Variants in DOCK2 observed in about 807,000 individuals in gnomAD.
DOCK2 encodes dedicator of cytokinesis 2.
In DOCK2, 87 loss-of-function variants were observed where a neutral mutation model predicts 248.9. The ratio of observed to expected loss-of-function variants is 0.35; its 90% CI spans 0.29 to 0.42. The LOEUF is 0.42. Ranked by LOEUF, DOCK2 falls within the 10% of genes least tolerant of loss-of-function variation. DOCK2 has a pLI of 1.00. For synonymous variants in DOCK2, 805 were observed against 821.6 expected (o/e 0.98, Z 0.35); for missense variants, 1,747 against 2,300.2 (o/e 0.76, Z 4.92).
At chr5:169,890,800 C>T (rs1179477601) in intron 27 of DOCK2, among the ~76,000 whole-genome samples, 1 of 152,056 alleles carries the variant, frequency 6.6e-6, no homozygotes, top group African/African-American at 2.4e-5. Flanking sequence ...GACTTTTTTG[C>T]ACAAATTCTG....
intron 38 of DOCK2, among the ~76,000 whole-genome samples, chr5:170,045,099 A>AT (rs929528619): frequency 1.3e-4 from 20 of 151,652 alleles, no homozygotes; most frequent in African/African-American, 4.1e-4. Flanking sequence ...AAAAGTCTTA[A>AT]TTTTTTTTTA....
chr5:169,665,435 C>T (rs1758666021), intron 2 of DOCK2, among the ~76,000 whole-genome samples: 1 of 67,860 alleles, frequency 1.5e-5, no homozygotes, highest in South Asian at 5.8e-4. Flanking sequence ...TATGTATATA[C>T]ACATGTTTAT....
rs141748778 is a variant in DOCK2, at chr5:169,919,352, C to T, written c.2800-63716C>T. ...CTTGAAGGTTTATGAAGATTTACTG[C>T]GTTGCCTTCCCTCCATAGATGGAAA... On this transcript the variant is annotated intron_variant, in intron 27 of 51. Transcript: ENST00000520908. Among the ~76,000 whole-genome samples, 1,306 of 152,236 alleles carry T rather than the reference C, an allele frequency of 8.6e-3. 7 individuals carry two copies. Among genetic ancestry groups the T allele is most frequent in the Middle Eastern group, 0.031 (9 of 292 alleles).
At chr5:169,749,659 C>A (rs908453321) in intron 23 of DOCK2, among the ~76,000 whole-genome samples, 2 of 152,198 alleles carry the variant, frequency 1.3e-5, no homozygotes, top group African/African-American at 4.8e-5. Context: ...TCTGTTCCTG[C>A]CTGGCTCTAA....
intron 27 of DOCK2, among the ~76,000 whole-genome samples, chr5:169,966,565 A>C (rs548331021): frequency 6.6e-6 from 1 of 152,266 alleles, no homozygotes; most frequent in South Asian, 2.1e-4. Context: ...CTGGGATGCA[A>C]ATTCACCTGT....
intron 22 of DOCK2, among the ~76,000 whole-genome samples, chr5:169,729,468 T>C (rs1487532004): frequency 6.6e-6 from 1 of 152,108 alleles, no homozygotes. Flanking sequence ...AACTGGCCCC[T>C]CTACCTGGCA....
At chr5:169,660,167 A>T (rs1758360618) in intron 2 of DOCK2, among the ~76,000 whole-genome samples, 1 of 152,096 alleles carries the variant, frequency 6.6e-6, no homozygotes, top group Admixed American at 6.5e-5. Flanking sequence ...CTGTGTTTGG[A>T]TGTAGTTTTG....
At chr5:169,786,040 A>T (rs542737487) in intron 25 of DOCK2, among the ~76,000 whole-genome samples, 7 of 152,204 alleles carry the variant, frequency 4.6e-5, no homozygotes, top group African/African-American at 1.4e-4. Flanking sequence ...TGCTACTTCT[A>T]TTACCACTAA....
At chr5:169,640,462 T>C (rs1757089042) in intron 1 of DOCK2, among the ~76,000 whole-genome samples, 1 of 152,222 alleles carries the variant, frequency 6.6e-6, no homozygotes, top group Non-Finnish European at 1.5e-5. Flanking sequence ...AAAAGACTGA[T>C]GAACAAGAGA....
chr5:169,884,447 A>C (rs1350347751), intron 27 of DOCK2: 1 of 152,322 alleles, frequency 6.6e-6, no homozygotes, highest in East Asian at 1.9e-4. Context: ...AGGTGGAGAA[A>C]TAAATGACCT....
intron 30 of DOCK2, among the ~76,000 whole-genome samples, chr5:169,998,291 G>A (rs1339097362): frequency 1.3e-5 from 2 of 152,218 alleles, no homozygotes; most frequent in Admixed American, 6.5e-5. Context: ...CTGGCACATA[G>A]TAGGTCTCCT....
At chr5:169,976,213 C>A (rs977434700) in intron 27 of DOCK2, among the ~76,000 whole-genome samples, 12 of 152,220 alleles carry the variant, frequency 7.9e-5, no homozygotes, top group African/African-American at 2.9e-4. Context: ...GGACACAAAT[C>A]TCTGCCCATG....
chr5:169,716,404 T>A (rs541784461), intron 20 of DOCK2, 102 bp downstream of exon 20: 4 of 1,149,116 alleles, frequency 3.5e-6, no homozygotes, highest in Non-Finnish European at 5.1e-6. Flanking sequence ...CATGGCCTTT[T>A]TCATGAATTC....
intron 27 of DOCK2, among the ~76,000 whole-genome samples, chr5:169,966,847 A>G (rs552614465): frequency 5.3e-5 from 8 of 152,206 alleles, no homozygotes; most frequent in Non-Finnish European, 1.2e-4. Context: ...CTTTCCACAC[A>G]GATCAGACTT....
At chr5:169,807,833 C>CCAAAAAAAAAAAAAAAAAAAAA (rs1767483380) in intron 26 of DOCK2, among the ~76,000 whole-genome samples, 1 of 24,218 alleles carries the variant, frequency 4.1e-5, no homozygotes, top group African/African-American at 9.0e-5. Flanking sequence ...GACTCTGTCT[C>CCAAAAAAAAAAAAAAAAAAAAA]AAAAAAAAAA....
At position 169,714,089 on chromosome 5, in the gene DOCK2, A is replaced by T. The variant is rs776981079; in HGVS notation, c.1721A>T (p.His574Leu). 1 of 1,613,708 alleles carries T rather than the reference A, an allele frequency of 6.2e-7. No individual in the cohort carries two copies. ...CTGACCCTTCCTTCTTATCGACACC[A>T]TGTGGAAAACAAGGGGGCCACGCTG... ...AYLTLPSYRHHVENKGATLSR... is the reference protein window; with the variant it reads ...AYLTLPSYRHLVENKGATLSR... Residue 574 changes from histidine (H) to leucine (L), a missense_variant, in exon 18 of 52, where the codon CAT becomes CTT. Transcript: ENST00000520908.
Position 169,751,039 on chromosome 5 carries a change from G to T in DOCK2, c.2376+3535G>T, listed in dbSNP as rs184093403. The stretch of plus-strand genomic sequence containing the variant: ...TCAGTTTATCCTCTGTAACATGGAA[G>T]GCCAAATGTGTAATTTAGGGGATTA... On this transcript the variant is annotated intron_variant, in intron 23 of 51. Transcript: ENST00000520908. Among the ~76,000 whole-genome samples the T allele has an allele frequency of 1.8e-4, 27 of 152,280 alleles. No individual in the cohort carries two copies. In the East Asian group the frequency reaches 4.2e-3, roughly 24 times the overall value.
chr5:169,936,629 G>T (rs1184131965), intron 27 of DOCK2, among the ~76,000 whole-genome samples: 1 of 143,008 alleles, frequency 7.0e-6, no homozygotes. Context: ...GATTTCACTG[G>T]AGAAACCAGT....
At position 169,826,992 on chromosome 5, in the gene DOCK2, G is replaced by A. The variant is rs546619686; in HGVS notation, c.2704-13765G>A. On this transcript the variant is annotated intron_variant, in intron 26 of 51. Transcript: ENST00000520908. ...TAGATTTTCTGTCTCTGAATCCTCA[G>A]AATCCAGGACAGAGCGTGGCACGTA... 6.6e-4 allele frequency among the ~76,000 whole-genome samples: 95 copies of A among 144,668 alleles called. 1 individual carries two copies. The South Asian group carries it at 0.02, about 30-fold the overall frequency. The allele number at this position is 144,668 out of a possible 152,430, so 94.9% of individuals were successfully genotyped here.
Sources: allele counts gnomAD v4.1 joint callset (sites outside exome capture counted in the v4.1 genomes callset), GRCh38; gene constraint gnomAD v4.1.1; transcripts MANE v1.5; gene names NCBI Gene and HGNC (gene_info 2026-07-23, HGNC 2026-07-21).